PPP2R3A: variants seen among roughly 807,000 people sequenced by gnomAD.
PPP2R3A encodes serine/threonine-protein phosphatase 2A regulatory subunit B'' subunit alpha.
Under a neutral mutation model 106.9 loss-of-function variants are expected in PPP2R3A, and 80 were observed. That is an observed-to-expected ratio of 0.75 (90% CI 0.62 to 0.90). PPP2R3A has a LOEUF of 0.90. PPP2R3A is among the 40% of genes least tolerant of loss of function. The probability of loss-of-function intolerance (pLI) is 0.00; values close to 1 mark genes in which losing one functional copy is unlikely to be tolerated. For missense variants in PPP2R3A, 1,386 were observed against 1,350.4 expected, an observed-to-expected ratio of 1.03 and a Z score of -0.41; for synonymous variants, 483 against 468.3, an observed-to-expected ratio of 1.03 and a Z score of -0.41.
intron 1 of PPP2R3A, among the ~76,000 whole-genome samples, chr3:135,987,204 A>G (rs148334559): frequency 3.9e-5 from 6 of 152,238 alleles, no homozygotes; most frequent in African/African-American, 7.2e-5. Context: ...TTAGTATGCA[A>G]CAGTTTGATG....
At position 136,046,590 on chromosome 3, in the gene PPP2R3A, A is replaced by G. The variant is rs557092826; in HGVS notation, c.2367-2669A>G. 4.6e-5 allele frequency among the ~76,000 whole-genome samples: 7 copies of G among 152,316 alleles called. No homozygotes were observed. The South Asian group carries it at 1.4e-3, about 32-fold the overall frequency. ...CTCAAGGGAAATAAAGTAAAAACAA[A>G]AAAGCTCCATCCAAAGGACAAAGGA... On this transcript the variant is annotated intron_variant, in intron 4 of 13. Transcript: ENST00000264977.
intron 4 of PPP2R3A, among the ~76,000 whole-genome samples, chr3:136,042,715 CCTGT>C (rs1011656635): frequency 6.6e-6 from 1 of 152,100 alleles, no homozygotes; most frequent in African/African-American, 2.4e-5. Context: ...AGCAACTATC[CCTGT>C]CTTTTTTTCA....
rs1934688896 is a variant in PPP2R3A at position 136,027,031 on chromosome 3, T to G, written c.2195T>G (p.Ile732Ser). ...AATCATGAACAAACTCTAAGCAGAA[T>G]TGAAACTGCTTTCATGGATATTGAA... is the stretch of plus-strand genomic sequence containing the variant. ...CSNHEQTLSR[I>S]ETAFMDIEEQ... The change falls in exon 3 of 14, where the codon ATT (isoleucine) becomes AGT (serine). Residue 732 changes from isoleucine (I) to serine (S), a missense_variant. Physicochemically the swap from Ile to Ser is moderately radical, Grantham distance 142. Transcript: ENST00000264977. 1.2e-6 allele frequency: 2 copies of G among 1,613,296 alleles called. No homozygotes were observed. The highest frequency in any genetic ancestry group is 1.7e-6 in the Non-Finnish European group (2 of 1,179,438).
At chr3:136,092,166 TAAAAATGTA>T (rs1937108214) in intron 10 of PPP2R3A, among the ~76,000 whole-genome samples, 1 of 152,064 alleles carries the variant, frequency 6.6e-6, no homozygotes, top group African/African-American at 2.4e-5. Context: ...CTGTCTCTAC[TAAAAATGTA>T]AAAAATTAGC....
At chr3:136,056,639 T>C (rs987791332) in intron 5 of PPP2R3A, among the ~76,000 whole-genome samples, 24 of 151,814 alleles carry the variant, frequency 1.6e-4, no homozygotes, top group African/African-American at 5.6e-4. Context: ...AAAGAAAACA[T>C]AGGGGTAAGG....
intron 10 of PPP2R3A, among the ~76,000 whole-genome samples, chr3:136,095,000 G>A (rs372281433): frequency 4.6e-5 from 7 of 152,112 alleles, no homozygotes; most frequent in East Asian, 3.8e-4. Flanking sequence ...AAACTTTCAG[G>A]TCCCTCTTCC....
chr3:136,042,655 C>G (rs766773666), intron 4 of PPP2R3A, among the ~76,000 whole-genome samples: 1 of 152,200 alleles, frequency 6.6e-6, no homozygotes, highest in Non-Finnish European at 1.5e-5. Flanking sequence ...AAGTACAAGT[C>G]TCCATTTTGG....
At chr3:135,969,872 A>G (rs1329430582) in intron 1 of PPP2R3A, among the ~76,000 whole-genome samples, 2 of 152,178 alleles carry the variant, frequency 1.3e-5, no homozygotes, top group Non-Finnish European at 2.9e-5. Context: ...ATTGGAGCTA[A>G]GTCACAGATG....
At chr3:135,990,569 G>A (rs1012239150) in intron 1 of PPP2R3A, among the ~76,000 whole-genome samples, 3 of 152,034 alleles carry the variant, frequency 2.0e-5, no homozygotes, top group African/African-American at 4.8e-5. Flanking sequence ...AAATAAATCC[G>A]TACTTAATAA....
At chr3:136,042,310 G>T (rs939269754) in intron 4 of PPP2R3A, among the ~76,000 whole-genome samples, 2 of 152,274 alleles carry the variant, frequency 1.3e-5, no homozygotes, top group East Asian at 3.9e-4. Flanking sequence ...TGGACACAGG[G>T]AGGGGAACAG....
chr3:135,989,270 C>T (rs1463728916), intron 1 of PPP2R3A, among the ~76,000 whole-genome samples: 6 of 152,062 alleles, frequency 3.9e-5, no homozygotes, highest in Admixed American at 3.9e-4. Context: ...TTAAAGCCAC[C>T]TAGCATCTCG....
In PPP2R3A at chr3:136,082,379, C is replaced by T. The variant is rs774143299; in HGVS notation, c.2746C>T (p.Leu916Phe). 1.9e-6 allele frequency: 3 copies of T among 1,613,680 alleles called. No homozygotes were observed. Among genetic ancestry groups the T allele is most frequent in the Middle Eastern group, 1.6e-4 (1 of 6,084 alleles). The change falls in exon 8 of 14, where the codon CTC becomes TTC. Residue 916 changes from leucine (L) to phenylalanine (F), a missense_variant. By Grantham distance (22) the Leu-to-Phe change is conservative. Coordinates refer to ENST00000264977, the MANE Select transcript of PPP2R3A (RefSeq NM_002718.5). ...KFWELDTDHD[L>F]YISQADLSRY... ...CTGGGAACTAGATACTGATCACGAC[C>T]TCTACATCAGCCAGGCCGATCTGTC...
intron 7 of PPP2R3A, 46 bp downstream of exon 7, chr3:136,078,499 T>C (rs1000971114): frequency 1.8e-5 from 22 of 1,224,140 alleles, no homozygotes; most frequent in Non-Finnish European, 2.3e-5. Context: ...ATTTAGATAA[T>C]TTTCTTACTT....
intron 13 of PPP2R3A, among the ~76,000 whole-genome samples, chr3:136,115,213 A>G (rs1036935634): frequency 9.9e-5 from 15 of 152,214 alleles, no homozygotes; most frequent in Non-Finnish European, 1.8e-4. Context: ...AGAAAAGAAT[A>G]GCATGTCTAC....
At chr3:136,087,292 T>TCTCTCTCTCTCTCTCTCTCC (rs1936972591) in intron 8 of PPP2R3A, among the ~76,000 whole-genome samples, 1 of 145,022 alleles carries the variant, frequency 6.9e-6, no homozygotes, top group Non-Finnish European at 1.5e-5. Context: ...TCTCTCTCTC[T>TCTCTCTCTCTCTCTCTCTCC]CTCTCTCACC....
intron 5 of PPP2R3A, among the ~76,000 whole-genome samples, chr3:136,068,736 TGA>T: frequency 1.3e-5 from 2 of 151,476 alleles, no homozygotes; most frequent in African/African-American, 4.9e-5. Flanking sequence ...TCTGCCTCCA[TGA>T]TATTTATCTA....
intron 5 of PPP2R3A, among the ~76,000 whole-genome samples, chr3:136,065,709 C>T (rs1347004015): frequency 6.6e-6 from 1 of 152,182 alleles, no homozygotes; most frequent in Non-Finnish European, 1.5e-5. Context: ...GAGGATCTCG[C>T]TCTGTTTCCC....
At chr3:136,116,545 A>C (rs538086617) in intron 13 of PPP2R3A, among the ~76,000 whole-genome samples, 2 of 152,362 alleles carry the variant, frequency 1.3e-5, no homozygotes, top group South Asian at 4.1e-4. Context: ...GGATGGAGGA[A>C]TATTTACCAA....
intron 1 of PPP2R3A, among the ~76,000 whole-genome samples, chr3:135,972,471 A>G (rs987790568): frequency 6.6e-6 from 1 of 152,180 alleles, no homozygotes; most frequent in South Asian, 2.1e-4. Flanking sequence ...TCTTTTGTGC[A>G]TGTATCTAGG....
Sources: gnomAD v4.1 joint callset for allele counts (sites outside exome capture counted in the v4.1 genomes callset) on GRCh38, gnomAD v4.1.1 for gene constraint, MANE v1.5 for transcripts, NCBI Gene and HGNC (gene_info 2026-07-23, HGNC 2026-07-21) for gene names.